The following ASAP1 variants were observed in gnomAD, a reference collection of about 807,000 sequenced individuals.
The protein encoded by ASAP1 is ArfGAP with SH3 domain, ankyrin repeat and PH domain 1.
Under a neutral mutation model 145.2 loss-of-function variants are expected in ASAP1, and 43 were observed. The ratio of observed to expected loss-of-function variants is 0.30; its 90% CI spans 0.23 to 0.38. ASAP1 has a LOEUF of 0.38. ASAP1 is among the 10% of genes least tolerant of loss of function. The pLI is 1.00. For missense variants in ASAP1, 1,018 were observed against 1,355.3 expected (o/e 0.75, Z 3.91); for synonymous variants, 546 against 515.5 (o/e 1.06, Z -0.80).
chr8:130,358,082 G>A lies in ASAP1; in HGVS notation c.121C>T (p.Pro41Ser). The A allele has an allele frequency of 6.2e-7, 1 of 1,611,054 alleles. No individual in the cohort carries two copies. Among genetic ancestry groups the A allele is most frequent in the Non-Finnish European group, 8.5e-7 (1 of 1,179,028 alleles). The change falls in exon 3 of 30, where the codon CCC becomes TCC. Residue 41 changes from proline to serine, a missense_variant. By Grantham distance (74) the Pro-to-Ser change is moderately conservative (BLOSUM62 -1). Transcript: ENST00000518721. The surrounding 1 kb of genome is among the most constrained non-coding windows in gnomAD (Gnocchi z 4.1). ...CGCGTGGTGAAGCTGGACGTGGTGG[G>A]CGAGTTGTAGTCCTCGGTGGTCTCG... ...IAETTEDYNS[P>S]TTSSFTTRLH... is the part of the protein sequence containing the mutation.
chr8:130,413,462 C>A (rs1489336666), intron 1 of ASAP1, among the ~76,000 whole-genome samples: 1 of 152,154 alleles, frequency 6.6e-6, no homozygotes. Flanking sequence ...TATAATGTGG[C>A]AGAACTATTT....
chr8:130,113,599 A>G (rs1040324202), intron 23 of ASAP1, among the ~76,000 whole-genome samples: 1 of 152,140 alleles, frequency 6.6e-6, no homozygotes, highest in Non-Finnish European at 1.5e-5. Flanking sequence ...TAGGCAATCA[A>G]TTAATGCATG....
intron 12 of ASAP1, among the ~76,000 whole-genome samples, chr8:130,154,924 A>G (rs2097655036): frequency 6.6e-6 from 1 of 152,214 alleles, no homozygotes; most frequent in Non-Finnish European, 1.5e-5. Flanking sequence ...TAGAGGTGGC[A>G]TCTCTCAACT....
chr8:130,324,250 A>G (rs1304427066), intron 3 of ASAP1, among the ~76,000 whole-genome samples: 1 of 152,144 alleles, frequency 6.6e-6, no homozygotes, highest in Non-Finnish European at 1.5e-5. Context: ...ACCTTTACTG[A>G]GCTTCCAGAA....
At chr8:130,325,844 G>A (rs993282867) in intron 3 of ASAP1, among the ~76,000 whole-genome samples, 1 of 152,128 alleles carries the variant, frequency 6.6e-6, no homozygotes, top group East Asian at 1.9e-4. Context: ...TCCGAGAAGA[G>A]ACCACAAAAC....
At chr8:130,220,976 T>TC (rs1366776331) in intron 4 of ASAP1, among the ~76,000 whole-genome samples, 1 of 151,928 alleles carries the variant, frequency 6.6e-6, no homozygotes, top group African/African-American at 2.4e-5. Context: ...TCCTATGAGG[T>TC]CCCTCCCCCA....
At chr8:130,370,350 T>C (rs1827157650) in intron 2 of ASAP1, among the ~76,000 whole-genome samples, 1 of 152,124 alleles carries the variant, frequency 6.6e-6, no homozygotes, top group Non-Finnish European at 1.5e-5. Flanking sequence ...GCTCTCTAGC[T>C]ATTTTTCAGC....
At chr8:130,130,865 T>C (rs1021123839) in intron 15 of ASAP1, among the ~76,000 whole-genome samples, 1 of 151,174 alleles carries the variant, frequency 6.6e-6, no homozygotes, top group Admixed American at 6.6e-5. Flanking sequence ...GCAACATAGA[T>C]CTCATTTTAA....
chr8:130,195,053 C>A (rs1815389072), intron 5 of ASAP1: 1 of 152,100 alleles, frequency 6.6e-6, no homozygotes, highest in Non-Finnish European at 1.5e-5. Flanking sequence ...ATAATTATTT[C>A]CCATTGATTT....
Position 130,180,630 on chromosome 8 carries a change from G to A in ASAP1, c.660+121C>T, listed in dbSNP as rs887337638. On this transcript the variant is annotated intron_variant, in intron 8 of 29. Coordinates refer to ENST00000518721, the MANE Select transcript of ASAP1 (RefSeq NM_018482.4). ...GAAAAATGGAGATTAGAATCCTTAAGAAACAGTTTCCTCTCTAATAATCAA... is the reference window on the plus strand; with the variant it reads ...GAAAAATGGAGATTAGAATCCTTAAAAAACAGTTTCCTCTCTAATAATCAA... 19 of 1,229,662 alleles carry A rather than the reference G, an allele frequency of 1.5e-5. No individual in the cohort carries two copies. In the East Asian group the frequency reaches 4.6e-4, roughly 30 times the overall value. The allele number at this position is 1,229,662 out of a possible 1,614,324, so 76.2% of individuals were successfully genotyped here.
At chr8:130,129,067 G>T (rs987582990) in intron 15 of ASAP1, among the ~76,000 whole-genome samples, 2 of 152,120 alleles carry the variant, frequency 1.3e-5, no homozygotes, top group Non-Finnish European at 2.9e-5. Context: ...AGTGAGTTGA[G>T]ATCTGATGGT....
At chr8:130,266,560 T>G (rs1316564791) in intron 3 of ASAP1, among the ~76,000 whole-genome samples, 3 of 152,056 alleles carry the variant, frequency 2.0e-5, no homozygotes, top group Admixed American at 2.0e-4. Flanking sequence ...TCAGGCCATA[T>G]AAATTTCCCA....
chr8:130,270,508 G>A (rs1820523259), intron 3 of ASAP1, among the ~76,000 whole-genome samples: 1 of 152,212 alleles, frequency 6.6e-6, no homozygotes, highest in Non-Finnish European at 1.5e-5. Flanking sequence ...GTAGAGACAA[G>A]TAACTTATAA....
intron 3 of ASAP1, among the ~76,000 whole-genome samples, chr8:130,304,280 G>A (rs1203161193): frequency 6.7e-6 from 1 of 150,102 alleles, no homozygotes; most frequent in Non-Finnish European, 1.5e-5. Context: ...GGAAAAGAAC[G>A]CCTTGTATAT....
At chr8:130,339,310 T>C (rs544797684) in intron 3 of ASAP1, among the ~76,000 whole-genome samples, 1 of 152,268 alleles carries the variant, frequency 6.6e-6, no homozygotes, top group East Asian at 1.9e-4. Context: ...AAGAACAAAT[T>C]TAAGACGCTG....
intron 5 of ASAP1, among the ~76,000 whole-genome samples, chr8:130,196,449 C>T (rs1176090295): frequency 6.6e-6 from 1 of 152,214 alleles, no homozygotes; most frequent in Admixed American, 6.5e-5. Context: ...AGGTGGAGTG[C>T]CCTTAAGGGA....
intron 3 of ASAP1, among the ~76,000 whole-genome samples, chr8:130,321,372 G>T (rs886604907): frequency 3.3e-5 from 5 of 152,084 alleles, no homozygotes; most frequent in Non-Finnish European, 5.9e-5. Flanking sequence ...CAGCACCAAA[G>T]ATTCCAAAGG....
At chr8:130,400,182 C>T (rs570774528) in intron 2 of ASAP1, among the ~76,000 whole-genome samples, 10 of 152,282 alleles carry the variant, frequency 6.6e-5, no homozygotes, top group Admixed American at 3.9e-4. Flanking sequence ...ATTCAACCAC[C>T]CCTTCTAGCA....
Position 130,117,005 on chromosome 8 carries a change from T to G in ASAP1, c.1881-10A>C. The G allele has an allele frequency of 1.3e-6, 2 of 1,576,178 alleles. No individual in the cohort carries two copies. Among genetic ancestry groups the G allele is most frequent in the Non-Finnish European group, 8.6e-7 (1 of 1,156,856 alleles). Reference sequence around the variant, plus strand: ...CTTATCCAGGTTCCCACTGAAAAATTAGATGATGATTAGAAAAAAATGACT... The same window carrying G: ...CTTATCCAGGTTCCCACTGAAAAATGAGATGATGATTAGAAAAAAATGACT... On this transcript the variant is annotated splice_polypyrimidine_tract_variant and intron_variant, in intron 20 of 29. Coordinates refer to ENST00000518721, the MANE Select transcript of ASAP1 (RefSeq NM_018482.4).
Sources: allele counts gnomAD v4.1 joint callset (sites outside exome capture counted in the v4.1 genomes callset), GRCh38; gene constraint gnomAD v4.1.1; non-coding constraint Gnocchi (gnomAD v3.1); transcripts MANE v1.5; gene names NCBI Gene and HGNC (gene_info 2026-07-23, HGNC 2026-07-21).